The following ADGRA1 variants were observed in gnomAD, a reference collection of about 807,000 sequenced individuals.
ADGRA1 encodes the protein G-protein coupled receptor 123.
ADGRA1 carries 12 observed loss-of-function variants against 21.3 expected under a neutral mutation model. The ratio of observed to expected loss-of-function variants is 0.56; its 90% CI spans 0.36 to 0.91. The LOEUF (loss-of-function observed/expected upper bound fraction) is 0.91, where lower values mean the gene tolerates loss of function less well. Among genes scored for constraint, ADGRA1 ranks in the 40% least tolerant of loss-of-function variants. The pLI is 0.01. For synonymous variants in ADGRA1, 385 were observed against 368.8 expected, an observed-to-expected ratio of 1.04 and a Z score of -0.50; for missense variants, 790 against 805.6, an observed-to-expected ratio of 0.98 and a Z score of 0.23.
chr10:133,090,189 C>G (rs1283741558), intron 2 of ADGRA1, among the ~76,000 whole-genome samples: 2 of 152,256 alleles, frequency 1.3e-5, no homozygotes, highest in African/African-American at 4.8e-5. Flanking sequence ...TAACCCTTGG[C>G]CCTTCTGCGA....
chr10:133,101,766 G>T (rs906279308), intron 4 of ADGRA1, among the ~76,000 whole-genome samples: 1 of 152,184 alleles, frequency 6.6e-6, no homozygotes, highest in African/African-American at 2.4e-5. Context: ...ACACTCAGTG[G>T]CCAGGCCGGG....
chr10:133,116,188 G>A (rs1852155240), intron 5 of ADGRA1, among the ~76,000 whole-genome samples: 1 of 152,186 alleles, frequency 6.6e-6, no homozygotes, highest in South Asian at 2.1e-4. Context: ...GGCCATACGG[G>A]GCGAGTGTGG....
At chr10:133,104,455 G>A (rs944655252) in intron 5 of ADGRA1, among the ~76,000 whole-genome samples, 3 of 152,206 alleles carry the variant, frequency 2.0e-5, no homozygotes, top group South Asian at 2.1e-4. Flanking sequence ...AATGCGCGCC[G>A]CAGAGCCGTG....
At chr10:133,095,020 G>A (rs964696565) in intron 2 of ADGRA1, among the ~76,000 whole-genome samples, 3 of 152,280 alleles carry the variant, frequency 2.0e-5, no homozygotes, top group South Asian at 2.1e-4. Flanking sequence ...GCCTGGCACC[G>A]CCCGAGCCAC....
At chr10:133,107,395 T>TC (rs1163279621) in intron 5 of ADGRA1, among the ~76,000 whole-genome samples, 1 of 152,010 alleles carries the variant, frequency 6.6e-6, no homozygotes, top group East Asian at 1.9e-4. Context: ...CTCTTTTTTT[T>TC]CTTTGTCGGT....
chr10:133,117,529 A>G (rs566020724), intron 5 of ADGRA1, among the ~76,000 whole-genome samples: 114 of 152,348 alleles, frequency 7.5e-4, no homozygotes, highest in African/African-American at 2.6e-3. Flanking sequence ...AGGCCCCAGG[A>G]TCAGGCCCTC....
intron 5 of ADGRA1, among the ~76,000 whole-genome samples, chr10:133,109,609 C>G (rs796831441): frequency 6.6e-6 from 1 of 152,138 alleles, no homozygotes; most frequent in Non-Finnish European, 1.5e-5. Flanking sequence ...AGTGAGACCC[C>G]GACCTTCTGC....
intron 5 of ADGRA1, among the ~76,000 whole-genome samples, chr10:133,115,969 G>T (rs1030604948): frequency 6.6e-6 from 1 of 150,934 alleles, no homozygotes. Context: ...TATCCCTCCC[G>T]CTCACCTCTC....
rs755205539 is a variant in ADGRA1 at position 133,129,204 on chromosome 10, C to T, written c.1376C>T (p.Ser459Phe). 1 of 1,550,272 alleles carries T rather than the reference C, an allele frequency of 6.5e-7. No individual in the cohort carries two copies. Among genetic ancestry groups the T allele is most frequent in the Non-Finnish European group, 8.7e-7 (1 of 1,146,974 alleles). ...TCGCGCACAGACAGCCCCCCCAGCT[C>T]TCTGGATGGCCCGGCGGGGACACAC... ...RSSRTDSPPS[S>F]LDGPAGTHTL... is the part of the protein sequence containing the mutation. Residue 459 changes from serine to phenylalanine, a missense_variant, in exon 7 of 7, where the codon TCT becomes TTT. Coordinates refer to ENST00000392607, the MANE Select transcript of ADGRA1 (RefSeq NM_001083909.3).
At chr10:133,090,482 A>G (rs2135861381) in intron 2 of ADGRA1, among the ~76,000 whole-genome samples, 1 of 152,174 alleles carries the variant, frequency 6.6e-6, no homozygotes, top group East Asian at 1.9e-4. Flanking sequence ...AAATCTCTGA[A>G]AGTGTGAGGA....
At chr10:133,088,521 G>C (rs926224669) in intron 1 of ADGRA1, 187 bp from the exon 2 acceptor site, 3 of 245,562 alleles carry the variant, frequency 1.2e-5, no homozygotes, top group African/African-American at 6.8e-5. Flanking sequence ...CCGCTGGCGC[G>C]TTCGGTCCGA....
At chr10:133,096,932 C>G in intron 2 of ADGRA1, 42 bp from the exon 3 acceptor site, 1 of 1,588,182 alleles carries the variant, frequency 6.3e-7, no homozygotes, top group South Asian at 1.1e-5. Flanking sequence ...CCCACACAGA[C>G]CCACCAGCCA....
intron 2 of ADGRA1, 161 bp downstream of exon 2, chr10:133,089,073 G>T (rs889855717): frequency 8.2e-7 from 1 of 1,215,140 alleles, no homozygotes; most frequent in South Asian, 4.2e-5. Context: ...GTGGAGTGGG[G>T]GCCGGGGACA....
At chr10:133,118,200 A>G (rs1458590231) in intron 5 of ADGRA1, among the ~76,000 whole-genome samples, 1 of 152,186 alleles carries the variant, frequency 6.6e-6, no homozygotes, top group East Asian at 1.9e-4. Flanking sequence ...ATTAGAGAGT[A>G]AAACCCCTTG....
At chr10:133,110,096 G>A (rs1486096468) in intron 5 of ADGRA1, among the ~76,000 whole-genome samples, 2 of 152,258 alleles carry the variant, frequency 1.3e-5, no homozygotes, top group African/African-American at 2.4e-5. Context: ...CAGGGCCAAC[G>A]AGGGAAAAGA....
intron 5 of ADGRA1, among the ~76,000 whole-genome samples, chr10:133,123,790 C>CCAG (rs1852322276): frequency 6.6e-6 from 1 of 151,876 alleles, no homozygotes; most frequent in African/African-American, 2.4e-5. Context: ...ACCCTGAAAG[C>CCAG]CAGCAGCCCT....
chr10:133,106,427 G>A (rs142445313), intron 5 of ADGRA1, among the ~76,000 whole-genome samples: 1 of 152,328 alleles, frequency 6.6e-6, no homozygotes, highest in East Asian at 1.9e-4. Context: ...GGTCCTGCCT[G>A]GGACCCTGCC....
intron 5 of ADGRA1, among the ~76,000 whole-genome samples, chr10:133,112,453 ACGTCAGTTATTTGGGGTCTGCGGGCCG>A (rs1195521031): frequency 1.0e-4 from 10 of 98,644 alleles, no homozygotes; most frequent in African/African-American, 4.9e-4. Flanking sequence ...TCTACGGGCC[ACGTCAGTTATTTGGGGTCTGCGGGCCG>A]CGTCGGTTAT....
intron 5 of ADGRA1, among the ~76,000 whole-genome samples, chr10:133,124,959 G>A (rs1259971530): frequency 6.6e-6 from 1 of 152,256 alleles, no homozygotes; most frequent in Admixed American, 6.5e-5. Context: ...CCCGGAGCCG[G>A]TGGTGCGCCG....
Sources: allele counts gnomAD v4.1 joint callset (sites outside exome capture counted in the v4.1 genomes callset), GRCh38; gene constraint gnomAD v4.1.1; transcripts MANE v1.5; gene names NCBI Gene and HGNC (gene_info 2026-07-23, HGNC 2026-07-21).